MGAM: variants seen among roughly 807,000 people sequenced by gnomAD.
MGAM encodes alpha-1,4-glucosidase.
Under a neutral mutation model 358.8 loss-of-function variants are expected in MGAM, and 253 were observed. That is an observed-to-expected ratio of 0.71 (90% CI 0.64 to 0.78). MGAM has a LOEUF of 0.78. Among genes scored for constraint, MGAM ranks in the 30% least tolerant of loss-of-function variants. MGAM has a pLI of 0.00. For missense variants in MGAM, 3,080 were observed against 3,432.6 expected, an observed-to-expected ratio of 0.90 and a Z score of 2.57; for synonymous variants, 1,105 against 1,227.1, an observed-to-expected ratio of 0.90 and a Z score of 2.08.
intron 3 of MGAM, among the ~76,000 whole-genome samples, chr7:142,009,699 G>T (rs1805454115): frequency 6.6e-6 from 1 of 151,342 alleles, no homozygotes; most frequent in Admixed American, 6.6e-5. Flanking sequence ...CCACGGCCTT[G>T]GCGTTTATTA....
At chr7:141,999,680 T>C (rs1298444514) in intron 1 of MGAM, among the ~76,000 whole-genome samples, 5 of 152,214 alleles carry the variant, frequency 3.3e-5, no homozygotes, top group Admixed American at 6.5e-5. Context: ...ATATTTGTCC[T>C]ATAAAAAAAT....
chr7:142,089,774 G>A (rs1452439568), intron 57 of MGAM, among the ~76,000 whole-genome samples: 1 of 145,628 alleles, frequency 6.9e-6, no homozygotes, highest in African/African-American at 2.4e-5. Flanking sequence ...GTGACACAGC[G>A]AGACTCCGTC....
At position 142,093,468 on chromosome 7, in the gene MGAM, C is replaced by T. The variant is rs753394274; in HGVS notation, c.7090C>T (p.Gln2364Ter). 1.8e-5 allele frequency: 28 copies of T among 1,529,912 alleles called. 2 individuals carry two copies. Among genetic ancestry groups the T allele is most frequent in the Non-Finnish European group, 8.9e-7 (1 of 1,119,142 alleles). The allele number at this position is 1,529,912 out of a possible 1,614,324, so 94.8% of individuals were successfully genotyped here. A position where few individuals can be genotyped will look rare whatever the true frequency, so the allele number is the denominator to read the frequency against. Residue 2364 changes from glutamine (Q) to a stop codon, truncating the protein, a stop_gained, in exon 60 of 71, where the codon CAG becomes TAG. Coordinates refer to ENST00000475668, the MANE Select transcript of MGAM (RefSeq NM_001365693.1). LOFTEE classifies it high-confidence loss of function. ...CAAGACCCTGTGCATGGAGAGTCAG[C>T]AGATCCTCCCAGACGGCTCCCCGGT... ...SSKTLCMESQ[Q>*]ILPDGSPVQH...
At chr7:142,062,927 G>C (rs1170504596) in intron 35 of MGAM, among the ~76,000 whole-genome samples, 1 of 152,158 alleles carries the variant, frequency 6.6e-6, no homozygotes, top group Non-Finnish European at 1.5e-5. Context: ...GACCAGGCGT[G>C]GTGGTTCACG....
At position 142,082,175 on chromosome 7, in the gene MGAM, A is replaced by G. The variant is rs1251788035; in HGVS notation, c.6136A>G (p.Thr2046Ala). 2 of 1,555,226 alleles carry G rather than the reference A, an allele frequency of 1.3e-6. No individual in the cohort carries two copies. The highest frequency in any genetic ancestry group is 3.4e-5 in the Admixed American group (2 of 58,434). ...CTACAGGAGAGACTTGGAGTGGCACACTTGGGGGATGTTCTCCCGAGACCA... is the reference window on the plus strand; with the variant it reads ...CTACAGGAGAGACTTGGAGTGGCACGCTTGGGGGATGTTCTCCCGAGACCA... ...TSYRRDLEWHTWGMFSRDQPP... is the reference protein window; with the variant it reads ...TSYRRDLEWHAWGMFSRDQPP... Residue 2046 changes from threonine to alanine, a missense_variant, in exon 51 of 71, where the codon ACT becomes GCT. Physicochemically the swap from Thr to Ala is moderately conservative, Grantham distance 58. Around this residue, in one of 5 missense-constraint regions of MGAM, gnomAD observed 932 missense variants for 1,198.2 expected, o/e 0.78. Transcript: ENST00000475668.
chr7:142,038,797 T>A (rs1281111897), intron 19 of MGAM, among the ~76,000 whole-genome samples, 182 bp downstream of exon 19: 1 of 152,192 alleles, frequency 6.6e-6, no homozygotes, highest in Non-Finnish European at 1.5e-5. Flanking sequence ...CTTTCTAGAA[T>A]TTCTTTTTTC....
intron 19 of MGAM, 131 bp downstream of exon 19, chr7:142,038,746 T>A: frequency 1.7e-6 from 1 of 596,232 alleles, no homozygotes; most frequent in Non-Finnish European, 2.7e-6. Context: ...GAGAGTGTGC[T>A]AGGTTTTGAG....
Position 142,047,888 on chromosome 7 carries a change from G to C in MGAM, c.2587+15G>C, listed in dbSNP as rs141604373. 43 of 1,576,464 alleles carry C rather than the reference G, an allele frequency of 2.7e-5. No homozygotes were observed. The highest frequency in any genetic ancestry group is 3.7e-5 in the Non-Finnish European group (42 of 1,147,812). ...GGAAACGAAGGGTGAGCACTTATACGATAATGTTGCTGTTTCCCAACCTGC... is the reference window on the plus strand; with the variant it reads ...GGAAACGAAGGGTGAGCACTTATACCATAATGTTGCTGTTTCCCAACCTGC... On this transcript the variant is annotated intron_variant, in intron 22 of 70. Coordinates refer to ENST00000475668, the MANE Select transcript of MGAM (RefSeq NM_001365693.1).
intron 44 of MGAM, among the ~76,000 whole-genome samples, chr7:142,073,447 G>T (rs1225906747): frequency 1.4e-5 from 2 of 145,888 alleles, no homozygotes; most frequent in Non-Finnish European, 3.1e-5. Context: ...AGTGAGGAGA[G>T]ATTCCAAATA....
intron 50 of MGAM, 102 bp downstream of exon 50, chr7:142,081,047 C>T: frequency 9.7e-7 from 1 of 1,029,258 alleles, no homozygotes; most frequent in Non-Finnish European, 1.4e-6. Context: ...TCACATTGTC[C>T]ACTTCCAGAT....
Position 142,095,656 on chromosome 7 carries a change from C to CGG in MGAM, c.7550_7551insGG (p.Leu2518AlafsTer2). On this transcript the variant is annotated frameshift_variant, in exon 64 of 71. Transcript: ENST00000475668. LOFTEE classifies it high-confidence loss of function. ...TACACCCTGTTGCCATATCTGTATA[C>CGG]CTTGATGCATAAGGCCCACACGGAG... is the stretch of plus-strand genomic sequence containing the variant. 6.2e-7 allele frequency: 1 copy of CGG among 1,613,970 alleles called. No homozygotes were observed. The highest frequency in any genetic ancestry group is 8.5e-7 in the Non-Finnish European group (1 of 1,179,866).
chr7:142,045,220 TATAATATATATTATATATC>T (rs1809982879), intron 21 of MGAM, among the ~76,000 whole-genome samples: 2 of 47,784 alleles, frequency 4.2e-5, no homozygotes, highest in East Asian at 5.8e-4. Context: ...CATATATGTA[TATAATATATATTATATATC>T]ATATAATATA....
In MGAM at chr7:142,050,840, A is replaced by G; in HGVS notation, c.2781A>G (p.Thr927=). 6.2e-7 allele frequency: 1 copy of G among 1,613,734 alleles called. No homozygotes were observed. Among genetic ancestry groups the G allele is most frequent in the South Asian group, 1.1e-5 (1 of 91,072 alleles). Residue 927 remains threonine, a synonymous_variant, in exon 24 of 71, where the codon ACA becomes ACG. Transcript: ENST00000475668. ...GTGTCCCAAGTCAGACTTCTCCTACAGTCACTTATGATTCTAACCTGAAGG... is the reference window on the plus strand; with the variant it reads ...GTGTCCCAAGTCAGACTTCTCCTACGGTCACTTATGATTCTAACCTGAAGG... ...HNGVPSQTSP[T]VTYDSNLKVA...
intron 50 of MGAM, among the ~76,000 whole-genome samples, chr7:142,081,605 G>T (rs1472126330): frequency 6.8e-6 from 1 of 146,174 alleles, no homozygotes; most frequent in African/African-American, 2.4e-5. Flanking sequence ...GGTTGAGGGG[G>T]CAGCTTCAGC....
At chr7:142,102,742 G>T (rs946602544) in intron 69 of MGAM, 63 bp downstream of exon 69, 6 of 1,469,982 alleles carry the variant, frequency 4.1e-6, no homozygotes, top group Non-Finnish European at 4.7e-6. Context: ...GCTGAATATC[G>T]TAAGGGCATA....
intron 21 of MGAM, among the ~76,000 whole-genome samples, chr7:142,046,995 A>G (rs546398189): frequency 1.6e-3 from 247 of 152,304 alleles, no homozygotes; most frequent in Non-Finnish European, 2.7e-3. Flanking sequence ...ATGAAAGCAG[A>G]TGTTTTTGCT....
intron 10 of MGAM, among the ~76,000 whole-genome samples, chr7:142,029,503 T>C (rs781961300): frequency 1.3e-5 from 2 of 152,206 alleles, no homozygotes; most frequent in Non-Finnish European, 2.9e-5. Context: ...TAGATAGACA[T>C]TTCCTTTTTA....
chr7:142,042,015 ATATATATATATTATATTATATAC>A (rs1365679070), intron 21 of MGAM, among the ~76,000 whole-genome samples: 1,334 of 24,324 alleles, frequency 0.055, 161 homozygotes, highest in African/African-American at 0.24. Flanking sequence ...ATATAATATA[ATATATATATATTATATTATATAC>A]ATATAATATA....
intron 57 of MGAM, among the ~76,000 whole-genome samples, chr7:142,088,739 G>GTCTA (rs1365184475): frequency 7.8e-5 from 8 of 102,502 alleles, no homozygotes; most frequent in African/African-American, 2.8e-4. Flanking sequence ...CTGTCTGTCT[G>GTCTA]TCTGTCTGTC....
Sources: gnomAD v4.1 joint callset for allele counts (sites outside exome capture counted in the v4.1 genomes callset) on GRCh38, gnomAD v4.1.1 for gene constraint, gnomAD v4.1.1 regional missense constraint, MANE v1.5 for transcripts, NCBI Gene and HGNC (gene_info 2026-07-23, HGNC 2026-07-21) for gene names.